Variants in DMTF1 observed in about 807,000 individuals in gnomAD.
The protein encoded by DMTF1 is cyclin D binding myb like transcription factor 1, also known as cyclin-D-binding Myb-like transcription factor 1.
A neutral mutation model predicts 91.1 loss-of-function variants in DMTF1; 39 were observed. The observed-to-expected ratio is 0.43, with a 90% CI of 0.33 to 0.56. DMTF1 has a LOEUF of 0.56. DMTF1 is among the 20% of genes least tolerant of loss of function. DMTF1 has a pLI of 0.05. For synonymous variants in DMTF1, 338 were observed against 309.5 expected (o/e 1.09, Z -0.97); for missense variants, 750 against 914.5 (o/e 0.82, Z 2.32).
At chr7:87,187,776 A>G in intron 12 of DMTF1, 1 of 319,682 alleles carries the variant, frequency 3.1e-6, no homozygotes, top group Non-Finnish European at 5.8e-6. Context: ...TTCTTCCTAA[A>G]TAATAATCCT....
At position 87,182,004 on chromosome 7, in the gene DMTF1, T is replaced by C. The variant is rs1797483533; in HGVS notation, c.711-224T>C. 2.0e-6 allele frequency: 3 copies of C among 1,516,954 alleles called. No homozygotes were observed. The South Asian group carries it at 3.7e-5, about 19-fold the overall frequency. The allele number at this position is 1,516,954 out of a possible 1,614,324, so 94.0% of individuals were successfully genotyped here. A position where few individuals can be genotyped will look rare whatever the true frequency, so the allele number is the denominator to read the frequency against. ...AACACATATCCAAGTTACTTATTTCTTCTCTGACCCAGGAAAAAGGCAATT... is the reference window on the plus strand; with the variant it reads ...AACACATATCCAAGTTACTTATTTCCTCTCTGACCCAGGAAAAAGGCAATT... On this transcript the variant is annotated intron_variant, in intron 9 of 17. Transcript: ENST00000331242.
chr7:87,156,910 G>A (rs553624205), intron 1 of DMTF1, among the ~76,000 whole-genome samples: 2 of 152,182 alleles, frequency 1.3e-5, no homozygotes, highest in South Asian at 4.1e-4. Context: ...TAATAGGTAC[G>A]AATTAGATAA....
rs1397062991 is a variant in DMTF1 at position 87,164,994 on chromosome 7, C to G, written c.53C>G (p.Ser18Cys). ...SDTVTVETVN[S>C]VTLTQDTEGN... ...ACAGTAACAGTAGAAACTGTGAACT[C>G]TGTGACTTTGACTCAGGACACAGAA... The change falls in exon 3 of 18, where the codon TCT becomes TGT. Residue 18 changes from serine (S) to cysteine (C), a missense_variant. Coordinates refer to ENST00000331242, the MANE Select transcript of DMTF1 (RefSeq NM_001142327.2). 4.3e-6 allele frequency: 7 copies of G among 1,610,878 alleles called. No homozygotes were observed. The highest frequency in any genetic ancestry group is 5.9e-6 in the Non-Finnish European group (7 of 1,178,524).
intron 1 of DMTF1, among the ~76,000 whole-genome samples, chr7:87,162,606 G>T (rs73206927): frequency 3.3e-5 from 5 of 151,940 alleles, no homozygotes; most frequent in Non-Finnish European, 7.4e-5. Context: ...CCCATCTTTT[G>T]TAGTAGGTAT....
intron 2 of DMTF1, among the ~76,000 whole-genome samples, chr7:87,164,054 T>TA (rs61634018): frequency 1.3e-3 from 97 of 73,446 alleles, no homozygotes; most frequent in East Asian, 5.7e-3. Flanking sequence ...ACGCCTTCTC[T>TA]AAAAAAAAAA....
At chr7:87,188,420 G>A (rs546246835) in intron 13 of DMTF1, 119 bp downstream of exon 13, 2 of 980,686 alleles carry the variant, frequency 2.0e-6, no homozygotes, top group Middle Eastern at 2.2e-4. Context: ...GTGAACTGAA[G>A]GACATCTAAG....
intron 1 of DMTF1, 140 bp from the exon 2 acceptor site, chr7:87,163,355 T>A (rs1792994824): frequency 6.6e-6 from 1 of 152,206 alleles, no homozygotes; most frequent in Non-Finnish European, 1.5e-5. Flanking sequence ...AAATTCTGCT[T>A]AAAAAAGAAT....
At chr7:87,193,635 G>GT in intron 15 of DMTF1, 90 bp from the exon 16 acceptor site, 12 of 1,214,880 alleles carry the variant, frequency 9.9e-6, no homozygotes, top group Non-Finnish European at 1.4e-5. Context: ...TTTACAGTTT[G>GT]AGAGGTAAGA....
At chr7:87,182,384 T>C in intron 10 of DMTF1, 47 bp downstream of exon 10, 1 of 1,586,262 alleles carries the variant, frequency 6.3e-7, no homozygotes, top group Non-Finnish European at 8.7e-7. Flanking sequence ...CACTTAAGCC[T>C]CCTGCCCCTT....
chr7:87,169,318 G>A (rs1402951012), intron 4 of DMTF1, among the ~76,000 whole-genome samples: 1 of 152,108 alleles, frequency 6.6e-6, no homozygotes, highest in Non-Finnish European at 1.5e-5. Flanking sequence ...AATTAGCTGG[G>A]TGTGGTGGTG....
intron 12 of DMTF1, chr7:87,186,192 A>G (rs1798377973): frequency 5.7e-6 from 3 of 527,322 alleles, no homozygotes; most frequent in Non-Finnish European, 1.0e-5. Context: ...GAAAATGTAC[A>G]CACTTATTCT....
At chr7:87,159,254 A>G (rs1053610546) in intron 1 of DMTF1, among the ~76,000 whole-genome samples, 1 of 152,226 alleles carries the variant, frequency 6.6e-6, no homozygotes, top group Non-Finnish European at 1.5e-5. Context: ...AGCAATGCCA[A>G]AACATTAGGG....
At chr7:87,164,147 G>C (rs755708355) in intron 2 of DMTF1, 2 of 150,808 alleles carry the variant, frequency 1.3e-5, no homozygotes, top group African/African-American at 4.9e-5. Flanking sequence ...TAAAACATAC[G>C]TGCCAAAAGT....
In DMTF1 at chr7:87,184,422, G is replaced by T; in HGVS notation, c.846G>T (p.Lys282Asn). 1 of 1,613,852 alleles carries T rather than the reference G, an allele frequency of 6.2e-7. No individual in the cohort carries two copies. The highest frequency in any genetic ancestry group is 8.5e-7 in the Non-Finnish European group (1 of 1,179,878). Residue 282 changes from lysine to asparagine, a missense_variant, in exon 11 of 18, where the codon AAG (lysine) becomes AAT (asparagine). Lys to Asn is a moderately conservative substitution (Grantham distance 94). Transcript: ENST00000331242. ...GGAAGTGGACAGAAGAAGAAGAAAA[G>T]AGACTTGCAGAAGTGGTTCATGAGT... ...NTGKWTEEEE[K>N]RLAEVVHELT... is the part of the protein sequence containing the mutation.
At chr7:87,157,313 TC>T (rs1321173151) in intron 1 of DMTF1, among the ~76,000 whole-genome samples, 1 of 152,132 alleles carries the variant, frequency 6.6e-6, no homozygotes, top group African/African-American at 2.4e-5. Context: ...TGTGGTCTCA[TC>T]CCATGTTCCA....
At chr7:87,157,507 A>C (rs1321544944) in intron 1 of DMTF1, among the ~76,000 whole-genome samples, 1 of 152,124 alleles carries the variant, frequency 6.6e-6, no homozygotes, top group East Asian at 1.9e-4. Context: ...TTATTCCTTG[A>C]TTCTGGTTTT....
intron 1 of DMTF1, chr7:87,152,774 C>G (rs1000617353): frequency 6.5e-6 from 1 of 154,400 alleles, no homozygotes; most frequent in Non-Finnish European, 1.5e-5. Context: ...GGGCGGTGCC[C>G]GTGGCTCAGG....
At chr7:87,191,055 A>G (rs756049749) in intron 14 of DMTF1, 28 bp downstream of exon 14, 1 of 1,405,244 alleles carries the variant, frequency 7.1e-7, no homozygotes, top group Admixed American at 1.9e-5. Flanking sequence ...TATATTGGCC[A>G]TTTTTATGCA....
intron 13 of DMTF1, 138 bp from the exon 14 acceptor site, chr7:87,190,807 T>C: frequency 1.6e-6 from 1 of 618,170 alleles, no homozygotes. Flanking sequence ...TTAAGAAATG[T>C]AAATGACTTC....
Sources: gnomAD v4.1 joint callset for allele counts (sites outside exome capture counted in the v4.1 genomes callset) on GRCh38, gnomAD v4.1.1 for gene constraint, MANE v1.5 for transcripts, NCBI Gene and HGNC (gene_info 2026-07-23, HGNC 2026-07-21) for gene names.